Variants in FMN2 observed in about 807,000 individuals in gnomAD.
FMN2 encodes the protein formin-2.
In FMN2, 51 loss-of-function variants were observed where a neutral mutation model predicts 142.3. The ratio of observed to expected loss-of-function variants is 0.36; its 90% CI spans 0.29 to 0.45. The LOEUF is 0.45. FMN2 is among the 20% of genes least tolerant of loss of function. The probability of loss-of-function intolerance (pLI) is 1.00; values close to 1 mark genes in which losing one functional copy is unlikely to be tolerated. For missense variants in FMN2, 1,936 were observed against 2,122.8 expected, an observed-to-expected ratio of 0.91 and a Z score of 1.73; for synonymous variants, 882 against 869.8, an observed-to-expected ratio of 1.01 and a Z score of -0.25.
intron 16 of FMN2, among the ~76,000 whole-genome samples, chr1:240,460,376 G>T (rs143727675): frequency 5.9e-5 from 9 of 152,300 alleles, no homozygotes; most frequent in Middle Eastern, 3.4e-3. Context: ...CATATCACCT[G>T]AGGTCAGGAG....
intron 1 of FMN2, among the ~76,000 whole-genome samples, chr1:240,096,523 G>T (rs2103166506): frequency 6.6e-6 from 1 of 152,286 alleles, no homozygotes; most frequent in South Asian, 2.1e-4. Context: ...ACTCTCCTCT[G>T]CTATTTTTTT....
At chr1:240,290,359 G>T (rs1334406046) in intron 7 of FMN2, among the ~76,000 whole-genome samples, 1 of 152,112 alleles carries the variant, frequency 6.6e-6, no homozygotes, top group Non-Finnish European at 1.5e-5. Flanking sequence ...GTTCGTACCG[G>T]AGGAGTTCAT....
At position 240,207,293 on chromosome 1, in the gene FMN2, A is replaced by G; in HGVS notation, c.2481A>G (p.Ser827=). ...LWSAGQGQPG[S]QPPHSISTEF... ...CTGCTGGGCAAGGACAGCCTGGGTC[A>G]CAGCCGCCCCATTCTATTTCTACCG... The change falls in exon 5 of 18, where the codon TCA becomes TCG. Residue 827 remains serine (S), a synonymous_variant. Coordinates refer to ENST00000319653, the MANE Select transcript of FMN2 (RefSeq NM_020066.5). 6.2e-7 allele frequency: 1 copy of G among 1,613,840 alleles called. No individual in the cohort carries two copies. The highest frequency in any genetic ancestry group is 8.5e-7 in the Non-Finnish European group (1 of 1,179,862).
chr1:240,148,984 A>G (rs1663647225), intron 2 of FMN2, among the ~76,000 whole-genome samples: 1 of 152,030 alleles, frequency 6.6e-6, no homozygotes, highest in Non-Finnish European at 1.5e-5. Context: ...AAAAAAATAA[A>G]TAAATAAATA....
intron 7 of FMN2, among the ~76,000 whole-genome samples, chr1:240,266,353 A>T (rs1053695086): frequency 5.9e-4 from 89 of 152,024 alleles, no homozygotes; most frequent in African/African-American, 1.9e-3. Flanking sequence ...TTTATTAAAT[A>T]GGGAGTCCTT....
chr1:240,184,279 C>T (rs7548811), intron 3 of FMN2, among the ~76,000 whole-genome samples: 3 of 137,264 alleles, frequency 2.2e-5, no homozygotes, highest in Non-Finnish European at 4.6e-5. Context: ...CTCTGTCGCC[C>T]AGGCTGGAGT....
chr1:240,156,987 A>C (rs928541379), intron 2 of FMN2, among the ~76,000 whole-genome samples: 8 of 152,238 alleles, frequency 5.3e-5, no homozygotes, highest in Admixed American at 5.2e-4. Context: ...GAATTATTCA[A>C]TTTAAATGGA....
At chr1:240,238,050 A>G (rs1375860805) in intron 6 of FMN2, among the ~76,000 whole-genome samples, 1 of 152,246 alleles carries the variant, frequency 6.6e-6, no homozygotes, top group Non-Finnish European at 1.5e-5. Flanking sequence ...GGCATTAAGC[A>G]GAATGAACTA....
At chr1:240,276,921 A>T (rs1669235466) in intron 7 of FMN2, among the ~76,000 whole-genome samples, 1 of 152,124 alleles carries the variant, frequency 6.6e-6, no homozygotes, top group Admixed American at 6.6e-5. Context: ...TTTCTCATCA[A>T]ACTTGACACT....
rs1672193987 is a variant in FMN2, at chr1:240,354,268, C to T, written c.4766-1548C>T. ...TGAAGGCATTTGTACCAGCATAGAA[C>T]AGGAATGGAGAGGATAGGGCCAACT... On this transcript the variant is annotated intron_variant, in intron 13 of 17. Transcript: ENST00000319653. 3.3e-5 allele frequency among the ~76,000 whole-genome samples: 5 copies of T among 152,080 alleles called. No homozygotes were observed. In the South Asian group the frequency reaches 1.0e-3, roughly 32 times the overall value.
intron 16 of FMN2, among the ~76,000 whole-genome samples, chr1:240,467,022 T>C (rs1676645107): frequency 6.6e-6 from 1 of 152,144 alleles, no homozygotes; most frequent in Non-Finnish European, 1.5e-5. Flanking sequence ...GAAAAGGAAA[T>C]AGAGTTTCTG....
chr1:240,255,619 T>G (rs1198942486), intron 6 of FMN2, among the ~76,000 whole-genome samples: 1 of 151,616 alleles, frequency 6.6e-6, no homozygotes, highest in Non-Finnish European at 1.5e-5. Context: ...GAGGTAGGAG[T>G]CTTGACTGGT....
chr1:240,363,966 A>G (rs1166953892), intron 14 of FMN2, among the ~76,000 whole-genome samples: 1 of 152,170 alleles, frequency 6.6e-6, no homozygotes, highest in Non-Finnish European at 1.5e-5. Flanking sequence ...TGGGGGGTTC[A>G]GTAAATTTCT....
intron 4 of FMN2, among the ~76,000 whole-genome samples, chr1:240,205,017 T>C (rs1666276566): frequency 6.6e-6 from 1 of 152,224 alleles, no homozygotes; most frequent in Non-Finnish European, 1.5e-5. Flanking sequence ...GTTTTATACT[T>C]AATATTATCT....
intron 13 of FMN2, among the ~76,000 whole-genome samples, chr1:240,340,243 C>G (rs535987886): frequency 1.3e-3 from 195 of 152,168 alleles, no homozygotes; most frequent in African/African-American, 4.3e-3. Flanking sequence ...ATTCCTCCCC[C>G]CTCCACATTT....
At chr1:240,423,153 G>A (rs1674830927) in intron 15 of FMN2, among the ~76,000 whole-genome samples, 1 of 152,286 alleles carries the variant, frequency 6.6e-6, no homozygotes, top group Admixed American at 6.5e-5. Flanking sequence ...TAGAAGACAT[G>A]GAGGATCCCT....
intron 16 of FMN2, among the ~76,000 whole-genome samples, chr1:240,439,279 A>AAAAAAAAAAAAAGAAAGAAAG (rs555074808): frequency 1.6e-5 from 2 of 124,772 alleles, no homozygotes; most frequent in Admixed American, 8.9e-5. Flanking sequence ...TCAAAAAAAA[A>AAAAAAAAAAAAAGAAAGAAAG]AAAGAAAGAA....
intron 2 of FMN2, among the ~76,000 whole-genome samples, 160 bp downstream of exon 2, chr1:240,123,505 CAA>C (rs71168901): frequency 3.7e-5 from 4 of 107,770 alleles, no homozygotes; most frequent in Non-Finnish European, 7.6e-5. Context: ...TGTTTGTACA[CAA>C]AAAAAAAAAA....
intron 2 of FMN2, chr1:240,143,982 G>A: frequency 7.4e-7 from 1 of 1,348,996 alleles, no homozygotes; most frequent in African/African-American, 1.4e-5. Flanking sequence ...TAGTCTGAAA[G>A]CAGTCCCAGA....
Sources: allele counts gnomAD v4.1 joint callset (sites outside exome capture counted in the v4.1 genomes callset), GRCh38; gene constraint gnomAD v4.1.1; transcripts MANE v1.5; gene names NCBI Gene and HGNC (gene_info 2026-07-23, HGNC 2026-07-21).